The following KDM3A variants were observed in gnomAD, a reference collection of about 807,000 sequenced individuals.
KDM3A encodes lysine demethylase 3A, also known as lysine-specific demethylase 3A.
Under a neutral mutation model 158.0 loss-of-function variants are expected in KDM3A, and 60 were observed. That is an observed-to-expected ratio of 0.38 (90% CI 0.31 to 0.47). The LOEUF is 0.47. KDM3A is among the 20% of genes least tolerant of loss of function. The pLI is 0.99. For missense variants in KDM3A, 1,319 were observed against 1,574.3 expected, an observed-to-expected ratio of 0.84 and a Z score of 2.74; for synonymous variants, 608 against 549.3, an observed-to-expected ratio of 1.11 and a Z score of -1.49.
intron 9 of KDM3A, among the ~76,000 whole-genome samples, chr2:86,465,983 C>T (rs888719305): frequency 3.7e-4 from 56 of 150,788 alleles, no homozygotes; most frequent in Non-Finnish European, 3.5e-4. Flanking sequence ...TCGGAATTGC[C>T]CCTACACAGA....
intron 18 of KDM3A, 179 bp from the exon 19 acceptor site, chr2:86,483,808 G>A (rs1674052824): frequency 1.9e-6 from 1 of 536,668 alleles, no homozygotes; most frequent in Non-Finnish European, 3.3e-6. Context: ...CAGATGAATG[G>A]TGAAGGTTGG....
At chr2:86,471,221 A>ATG (rs949487815) in intron 11 of KDM3A, among the ~76,000 whole-genome samples, 29 of 151,342 alleles carry the variant, frequency 1.9e-4, no homozygotes, top group Non-Finnish European at 2.9e-4. Flanking sequence ...ATATATATAT[A>ATG]TGTGTGTGTG....
chr2:86,442,307 T>G lies in KDM3A; in HGVS notation c.186+74T>G. On this transcript the variant is annotated intron_variant, in intron 2 of 25. Coordinates refer to ENST00000312912, the MANE Select transcript of KDM3A (RefSeq NM_018433.6). ...GGTAACGCGACCATCGGTTCCCTCC[T>G]TCCGTTTTCTGAAAACGGAGACCAG... 2.2e-6 allele frequency: 3 copies of G among 1,392,124 alleles called. No individual in the cohort carries two copies. The South Asian group carries it at 4.0e-5, about 19-fold the overall frequency. The allele number at this position is 1,392,124 out of a possible 1,614,324, so 86.2% of individuals were successfully genotyped here.
rs553394378 is a variant in KDM3A, at chr2:86,449,788, C to A, written c.187-19C>A. 85 of 1,575,728 alleles carry A rather than the reference C, an allele frequency of 5.4e-5. 2 individuals are homozygous for A. The South Asian group carries it at 9.3e-4, about 17-fold the overall frequency. Reference sequence around the variant, plus strand: ...TAAATTGAATCTGCTTCCCCCACCCCCCAATTTTGTCTGTCTAGGTGTGTG... The same window carrying A: ...TAAATTGAATCTGCTTCCCCCACCCACCAATTTTGTCTGTCTAGGTGTGTG... On this transcript the variant is annotated intron_variant, in intron 2 of 25. Coordinates refer to ENST00000312912, the MANE Select transcript of KDM3A (RefSeq NM_018433.6).
intron 4 of KDM3A, among the ~76,000 whole-genome samples, chr2:86,454,432 T>C (rs192374500): frequency 7.7e-4 from 118 of 152,280 alleles, no homozygotes; most frequent in Non-Finnish European, 1.1e-3. Context: ...CAGTGGACTT[T>C]GGTGGAAAGA....
In KDM3A at chr2:86,444,118, C is replaced by T. The variant is rs577622197; in HGVS notation, c.186+1885C>T. On this transcript the variant is annotated intron_variant, in intron 2 of 25. Coordinates refer to ENST00000312912, the MANE Select transcript of KDM3A (RefSeq NM_018433.6). ...CTTCACATGTATATATTTTTTAAAT[C>T]TCCTCCCTCCGCCCCCATCCTTTGA... Among the ~76,000 whole-genome samples the T allele has an allele frequency of 1.2e-4, 18 of 152,278 alleles. No individual in the cohort carries two copies. In the East Asian group the frequency reaches 2.7e-3, roughly 23 times the overall value.
In KDM3A at chr2:86,484,000, C is replaced by T. The variant is rs1247852815; in HGVS notation, c.2936C>T (p.Ser979Phe). 6.2e-6 allele frequency: 10 copies of T among 1,612,834 alleles called. No homozygotes were observed. The highest frequency in any genetic ancestry group is 8.5e-6 in the Non-Finnish European group (10 of 1,179,368). The change falls in exon 19 of 26, where the codon TCT becomes TTT. Residue 979 changes from serine (S) to phenylalanine (F), a missense_variant. Ser to Phe is a radical substitution (Grantham distance 155). This residue lies in a region of KDM3A where 368 missense variants were observed against 415.8 expected (regional missense o/e 0.89). Transcript: ENST00000312912. ...CTCTTCATTTAGCCAGTGATGGTGTCTGGAGTGCATCATAAATTGAACTCT... is the reference window on the plus strand; with the variant it reads ...CTCTTCATTTAGCCAGTGATGGTGTTTGGAGTGCATCATAAATTGAACTCT... The part of the protein sequence containing the change: ...CWKQGQPVMV[S>F]GVHHKLNSEL...
At chr2:86,467,030 A>G in intron 10 of KDM3A, 147 bp downstream of exon 10, 1 of 669,104 alleles carries the variant, frequency 1.5e-6, no homozygotes, top group Admixed American at 3.1e-5. Flanking sequence ...TATAATTCCC[A>G]AATCTCAGAA....
In KDM3A at chr2:86,490,676, A is replaced by C. The variant is rs138992305; in HGVS notation, c.3574-205A>C. 2.4e-3 allele frequency: 1,206 copies of C among 507,412 alleles called. 10 individuals are homozygous for C. The highest frequency in any genetic ancestry group is 0.018 in the African/African-American group (948 of 51,932). 31.4% of individuals were successfully genotyped at this position (507,412 alleles called of 1,614,324 possible). A position where few individuals can be genotyped will look rare whatever the true frequency, so the allele number is the denominator to read the frequency against. ...GAGCCTGTCAGTCATGGTTTATGGG[A>C]ACTGACATCACATTTTCTTCGTCAT... On this transcript the variant is annotated intron_variant, in intron 23 of 25. Coordinates refer to ENST00000312912, the MANE Select transcript of KDM3A (RefSeq NM_018433.6).
intron 5 of KDM3A, among the ~76,000 whole-genome samples, chr2:86,455,708 A>G (rs1672660787): frequency 6.6e-6 from 1 of 152,056 alleles, no homozygotes; most frequent in African/African-American, 2.4e-5. Context: ...ACTTTGGGAC[A>G]TCCAAAGTGG....
rs199804526 is a variant in KDM3A, at chr2:86,470,438, T to C, written c.1724+30T>C. 4 of 1,583,218 alleles carry C rather than the reference T, an allele frequency of 2.5e-6. No homozygotes were observed. In the African/African-American group the frequency reaches 5.4e-5, roughly 21 times the overall value. The stretch of plus-strand genomic sequence containing the variant: ...GGCATTTTGGGAAAAGTTCAGATAA[T>C]CTGGGCATACTTGTTATGCTAGATC... On this transcript the variant is annotated intron_variant, in intron 11 of 25. Transcript: ENST00000312912.
intron 3 of KDM3A, 74 bp from the exon 4 acceptor site, chr2:86,451,029 G>T: frequency 1.0e-6 from 1 of 971,310 alleles, no homozygotes. Flanking sequence ...TCTGTGTGTG[G>T]AAAATTGCCA....
At chr2:86,442,256 G>A (rs755067815) in intron 2 of KDM3A, 23 bp downstream of exon 2, 1 of 1,584,164 alleles carries the variant, frequency 6.3e-7, no homozygotes, top group Non-Finnish European at 8.6e-7. Flanking sequence ...CCGGGCCTCT[G>A]CCACCGGACG....
In KDM3A at chr2:86,470,471, A is replaced by G. The variant is rs1673353908; in HGVS notation, c.1724+63A>G. On this transcript the variant is annotated intron_variant, in intron 11 of 25. Coordinates refer to ENST00000312912, the MANE Select transcript of KDM3A (RefSeq NM_018433.6). ...TACTTGTTATGCTAGATCATCTGGC[A>G]TACTTTTGTTACTCTTTTATCAACA... 3 of 1,380,082 alleles carry G rather than the reference A, an allele frequency of 2.2e-6. No individual in the cohort carries two copies. The South Asian group carries it at 3.6e-5, about 16-fold the overall frequency. 85.5% of individuals were successfully genotyped at this position (1,380,082 alleles called of 1,614,324 possible).
At chr2:86,468,431 C>T (rs548226674) in intron 10 of KDM3A, among the ~76,000 whole-genome samples, 1 of 152,168 alleles carries the variant, frequency 6.6e-6, no homozygotes. Context: ...TGTGACGAAA[C>T]AGTAAAGATT....
upstream of KDM3A, among the ~76,000 whole-genome samples, chr2:86,440,265 C>T (rs1682620832): frequency 1.3e-5 from 2 of 152,188 alleles, no homozygotes; most frequent in Admixed American, 6.5e-5. Flanking sequence ...TGATTTGCAT[C>T]TATAATCCCT....
chr2:86,463,600 A>G (rs1673012075), intron 8 of KDM3A, among the ~76,000 whole-genome samples: 1 of 152,242 alleles, frequency 6.6e-6, no homozygotes, highest in Non-Finnish European at 1.5e-5. Context: ...TGGGTACCAA[A>G]TAGGCATCCC....
At chr2:86,451,261 C>T (rs1348152717) in intron 4 of KDM3A, 48 bp downstream of exon 4, 1 of 1,221,734 alleles carries the variant, frequency 8.2e-7, no homozygotes, top group Non-Finnish European at 1.2e-6. Context: ...AATACGAACT[C>T]CTTTAACATG....
rs1447487375 is a variant in KDM3A, at chr2:86,492,118, A to G, written c.3965A>G (p.Ter1322=). Residue 1322 remains the stop codon, a stop_retained_variant, in exon 26 of 26, where the codon TAA becomes TGA. Coordinates refer to ENST00000312912, the MANE Select transcript of KDM3A (RefSeq NM_018433.6). ...AGTGAATCCAGTTTTGGCAAACCTT[A>G]ATCTCCCTGCACATTGGAAATGAAT... ...KASESSFGKP[*] 6.2e-7 allele frequency: 1 copy of G among 1,608,532 alleles called. No individual in the cohort carries two copies. Among genetic ancestry groups the G allele is most frequent in the Non-Finnish European group, 8.5e-7 (1 of 1,175,166 alleles).
Sources: gnomAD v4.1 joint callset for allele counts (sites outside exome capture counted in the v4.1 genomes callset) on GRCh38, gnomAD v4.1.1 for gene constraint, gnomAD v4.1.1 regional missense constraint, MANE v1.5 for transcripts, NCBI Gene and HGNC (gene_info 2026-07-23, HGNC 2026-07-21) for gene names.